CTNNA2: variants seen among roughly 807,000 people sequenced by gnomAD.
CTNNA2 encodes the protein catenin alpha 2.
A neutral mutation model predicts 101.0 loss-of-function variants in CTNNA2; 42 were observed. That is an observed-to-expected ratio of 0.42 (90% CI 0.32 to 0.54). CTNNA2 has a LOEUF of 0.54. CTNNA2 is among the 20% of genes least tolerant of loss of function. The pLI is 0.14. For synonymous variants in CTNNA2, 450 were observed against 456.4 expected (o/e 0.99, Z 0.18); for missense variants, 871 against 1,223.1 (o/e 0.71, Z 4.29).
chr2:79,648,205 T>G (rs1680960859), intron 1 of CTNNA2, among the ~76,000 whole-genome samples: 1 of 152,180 alleles, frequency 6.6e-6, no homozygotes, highest in South Asian at 2.1e-4. Context: ...AGGAGTCACC[T>G]TATTGTGTGT....
intron 7 of CTNNA2, among the ~76,000 whole-genome samples, chr2:80,373,630 C>T (rs1272786818): frequency 2.0e-5 from 3 of 152,112 alleles, no homozygotes; most frequent in African/African-American, 4.8e-5. Context: ...TATTTATTTA[C>T]TTACTTACTT....
rs143192329 is a variant in CTNNA2, at chr2:80,244,920, C to T, written c.1057-148291C>T. Among the ~76,000 whole-genome samples, 998 of 152,190 alleles carry T rather than the reference C, an allele frequency of 6.6e-3. 2 individuals carry two copies. Among genetic ancestry groups the T allele is most frequent in the Non-Finnish European group, 9.4e-3 (638 of 68,012 alleles). ...ATGGAAAATCTAGCAGACCTACAAG[C>T]GAGAGCCAGGTGGGAGACTCTTCAC... On this transcript the variant is annotated intron_variant, in intron 7 of 18. Coordinates refer to ENST00000402739, the MANE Select transcript of CTNNA2 (RefSeq NM_001282597.3).
chr2:79,319,847 G>A (rs1249681575), intron 3 of CTNNA2: 2 of 152,124 alleles, frequency 1.3e-5, no homozygotes, highest in South Asian at 2.1e-4. Flanking sequence ...GCAAGAAGCA[G>A]GAAGATAAGA....
chr2:79,657,507 G>A lies in CTNNA2; in HGVS notation c.102+5849G>A, dbSNP rs368255221. Among the ~76,000 whole-genome samples the A allele has an allele frequency of 4.6e-5, 7 of 151,966 alleles. No individual in the cohort carries two copies. The South Asian group carries it at 6.2e-4, about 13-fold the overall frequency. ...TTGAATATTACCAGACGCTTGTAGC[G>A]CTGATATTCCAGTGTTCTTTAAATG... is the stretch of plus-strand genomic sequence containing the variant. On this transcript the variant is annotated intron_variant, in intron 2 of 18. Transcript: ENST00000402739.
intron 3 of CTNNA2, among the ~76,000 whole-genome samples, chr2:79,333,411 G>T (rs1166601704): frequency 6.6e-6 from 1 of 152,010 alleles, no homozygotes; most frequent in Non-Finnish European, 1.5e-5. Context: ...ATCTAGAAAA[G>T]AAGTAAACAA....
At chr2:80,397,729 A>G (rs1241537541) in intron 8 of CTNNA2, among the ~76,000 whole-genome samples, 1 of 152,136 alleles carries the variant, frequency 6.6e-6, no homozygotes, top group Non-Finnish European at 1.5e-5. Flanking sequence ...TGTTTTTATT[A>G]GAAGCGTGAG....
At chr2:80,632,743 A>T (rs1015816779) in intron 18 of CTNNA2, among the ~76,000 whole-genome samples, 1 of 152,280 alleles carries the variant, frequency 6.6e-6, no homozygotes, top group East Asian at 1.9e-4. Context: ...AGGAGTTCTA[A>T]TAAATTAAAA....
At chr2:79,302,083 ACT>A (rs1272053934) in intron 2 of CTNNA2, among the ~76,000 whole-genome samples, 1 of 151,966 alleles carries the variant, frequency 6.6e-6, no homozygotes, top group Non-Finnish European at 1.5e-5. Context: ...ACAGAGAGAG[ACT>A]CTGTCTCAAT....
In CTNNA2 at chr2:79,637,294, A is replaced by G. The variant is rs557104728; in HGVS notation, c.-5-14258A>G. Among the ~76,000 whole-genome samples, 129 of 152,286 alleles carry G rather than the reference A, an allele frequency of 8.5e-4. 1 individual carries two copies. Among genetic ancestry groups the G allele is most frequent in the African/African-American group, 2.9e-3 (121 of 41,566 alleles). On this transcript the variant is annotated intron_variant, in intron 1 of 18. Transcript: ENST00000402739. ...GGATACAGAAGAGAGAGTACAGTTG[A>G]TGGAGTGAGGCCTCAGTCAGGAGGC...
chr2:80,243,064 G>A (rs1265144390), intron 7 of CTNNA2, among the ~76,000 whole-genome samples: 4 of 152,192 alleles, frequency 2.6e-5, no homozygotes, highest in African/African-American at 7.2e-5. Context: ...AGGTTGTTTA[G>A]AGAAGAGACC....
chr2:80,158,689 C>A (rs1467078532), intron 7 of CTNNA2, among the ~76,000 whole-genome samples: 1 of 152,122 alleles, frequency 6.6e-6, no homozygotes, highest in Non-Finnish European at 1.5e-5. Context: ...GCAGGCAGAT[C>A]ACGAGGTCAG....
At chr2:79,441,310 G>T (rs1678775470) in intron 4 of CTNNA2, among the ~76,000 whole-genome samples, 1 of 152,060 alleles carries the variant, frequency 6.6e-6, no homozygotes, top group South Asian at 2.1e-4. Context: ...TAGGCAATAT[G>T]TATCATCTCT....
intron 4 of CTNNA2, among the ~76,000 whole-genome samples, chr2:79,474,077 C>T (rs1671027899): frequency 6.6e-6 from 1 of 151,984 alleles, no homozygotes; most frequent in South Asian, 2.1e-4. Flanking sequence ...TCAACCCTAA[C>T]ACATAATGAA....
chr2:79,649,702 ATTG>A (rs1171181706), intron 1 of CTNNA2, among the ~76,000 whole-genome samples: 2 of 152,140 alleles, frequency 1.3e-5, no homozygotes, highest in Middle Eastern at 3.2e-3. Flanking sequence ...GGTGCCAACT[ATTG>A]TTGTGATGAA....
rs148546075 is a variant in CTNNA2 at position 80,119,189 on chromosome 2, G to A, written c.1056+209392G>A. Reference sequence around the variant, plus strand: ...GTCATGGTGGCAAGATGGCTGTTGCGGTTGCAGGCATCTTATAGAGGCCAA... The same window carrying A: ...GTCATGGTGGCAAGATGGCTGTTGCAGTTGCAGGCATCTTATAGAGGCCAA... On this transcript the variant is annotated intron_variant, in intron 7 of 18. Coordinates refer to ENST00000402739, the MANE Select transcript of CTNNA2 (RefSeq NM_001282597.3). 1.9e-3 allele frequency among the ~76,000 whole-genome samples: 289 copies of A among 152,242 alleles called. 2 individuals are homozygous for A. Among genetic ancestry groups the A allele is most frequent in the African/African-American group, 6.5e-3 (270 of 41,546 alleles).
chr2:80,271,266 T>C (rs1289853280), intron 7 of CTNNA2, among the ~76,000 whole-genome samples: 1 of 152,134 alleles, frequency 6.6e-6, no homozygotes, highest in Non-Finnish European at 1.5e-5. Flanking sequence ...GATAGTGATA[T>C]TAGGTTGGGG....
At chr2:79,690,697 C>T (rs962592862) in intron 2 of CTNNA2, among the ~76,000 whole-genome samples, 1 of 151,870 alleles carries the variant, frequency 6.6e-6, no homozygotes, top group African/African-American at 2.4e-5. Flanking sequence ...AAGGATTTGC[C>T]CAAGTTCACA....
At chr2:79,952,302 C>T (rs1688939948) in intron 7 of CTNNA2, among the ~76,000 whole-genome samples, 1 of 152,112 alleles carries the variant, frequency 6.6e-6, no homozygotes, top group Non-Finnish European at 1.5e-5. Context: ...CGTGCCAGTC[C>T]AAACCCAAAT....
chr2:80,175,327 A>G (rs1366673517), intron 7 of CTNNA2, among the ~76,000 whole-genome samples: 1 of 152,112 alleles, frequency 6.6e-6, no homozygotes, highest in Non-Finnish European at 1.5e-5. Context: ...ATATTTTTTC[A>G]TTAATTGTTT....
Sources: allele counts gnomAD v4.1 joint callset (sites outside exome capture counted in the v4.1 genomes callset), GRCh38; gene constraint gnomAD v4.1.1; transcripts MANE v1.5; gene names NCBI Gene and HGNC (gene_info 2026-07-23, HGNC 2026-07-21).